Variants in TRPM3 observed in about 807,000 individuals in gnomAD.
TRPM3 encodes long transient receptor potential channel 3.
A neutral mutation model predicts 181.2 loss-of-function variants in TRPM3; 77 were observed. The observed-to-expected ratio is 0.42, with a 90% CI of 0.35 to 0.51. The LOEUF (loss-of-function observed/expected upper bound fraction) is 0.51, where lower values mean the gene tolerates loss of function less well. Among genes scored for constraint, TRPM3 ranks in the 20% least tolerant of loss-of-function variants. The probability of loss-of-function intolerance (pLI) is 0.01; values close to 1 mark genes in which losing one functional copy is unlikely to be tolerated. For synonymous variants in TRPM3, 745 were observed against 796.4 expected, an observed-to-expected ratio of 0.94 and a Z score of 1.09; for missense variants, 1,759 against 2,196.7, an observed-to-expected ratio of 0.80 and a Z score of 3.98.
chr9:71,431,516 T>C (rs1159439406), intron 1 of TRPM3, among the ~76,000 whole-genome samples: 3 of 152,192 alleles, frequency 2.0e-5, no homozygotes, highest in Non-Finnish European at 4.4e-5. Context: ...ATAGTGACCT[T>C]TAAGCCAACT....
At chr9:70,815,924 T>C (rs142333398) in intron 6 of TRPM3, among the ~76,000 whole-genome samples, 107 of 152,322 alleles carry the variant, frequency 7.0e-4, no homozygotes, top group African/African-American at 2.4e-3. Flanking sequence ...AGCCAAGAAA[T>C]TGTTTTACAA....
intron 7 of TRPM3, 105 bp from the exon 8 acceptor site, chr9:70,761,829 T>C (rs1362130027): frequency 8.2e-6 from 11 of 1,335,722 alleles, no homozygotes; most frequent in African/African-American, 2.9e-5. Flanking sequence ...TTACTTTAGA[T>C]AGGAGTTATT....
intron 6 of TRPM3, among the ~76,000 whole-genome samples, chr9:70,810,316 G>A (rs908140814): frequency 3.4e-5 from 5 of 146,568 alleles, no homozygotes; most frequent in Non-Finnish European, 6.0e-5. Flanking sequence ...CCCTCTGCTT[G>A]CCTCCAACCC....
intron 25 of TRPM3, among the ~76,000 whole-genome samples, chr9:70,543,350 CCATTTA>C (rs1225110817): frequency 6.6e-6 from 1 of 152,118 alleles, no homozygotes; most frequent in East Asian, 1.9e-4. Flanking sequence ...TACAAACAAT[CCATTTA>C]CATTCTTTAT....
intron 1 of TRPM3, among the ~76,000 whole-genome samples, chr9:71,239,703 T>C (rs1381685941): frequency 6.6e-6 from 1 of 152,146 alleles, no homozygotes. Context: ...GTAGTATTAT[T>C]CCTTAGAAAA....
intron 6 of TRPM3, among the ~76,000 whole-genome samples, chr9:70,812,680 A>G (rs12551455): frequency 0.31 from 47,621 of 152,030 alleles, 9,065 homozygotes; most frequent in African/African-American, 0.53. Context: ...ATTTAGCACA[A>G]GCACTTGTTA....
chr9:71,328,951 G>A (rs942408385), intron 1 of TRPM3, among the ~76,000 whole-genome samples: 7 of 152,186 alleles, frequency 4.6e-5, no homozygotes, highest in Admixed American at 3.3e-4. Flanking sequence ...CCTGCAAAGT[G>A]TAATAATCAA....
chr9:70,652,965 C>T (rs2059777774), intron 9 of TRPM3, among the ~76,000 whole-genome samples: 1 of 152,080 alleles, frequency 6.6e-6, no homozygotes, highest in Non-Finnish European at 1.5e-5. Context: ...TAGATGCTAC[C>T]TTGCAGGGCT....
chr9:70,957,386 A>T (rs373899841), intron 1 of TRPM3, among the ~76,000 whole-genome samples: 1 of 152,176 alleles, frequency 6.6e-6, no homozygotes, highest in Admixed American at 6.6e-5. Flanking sequence ...CTTATGAAGC[A>T]TCGACTACTT....
At chr9:70,811,511 CTGTGG>C (rs2131415330) in intron 6 of TRPM3, among the ~76,000 whole-genome samples, 1 of 152,254 alleles carries the variant, frequency 6.6e-6, no homozygotes, top group East Asian at 1.9e-4. Context: ...TAGATAGCTT[CTGTGG>C]TGTGGAAAGG....
intron 1 of TRPM3, among the ~76,000 whole-genome samples, chr9:71,379,479 A>G (rs2092743318): frequency 6.6e-6 from 1 of 152,028 alleles, no homozygotes; most frequent in African/African-American, 2.4e-5. Context: ...CTGCTATGAT[A>G]AGACACATAA....
chr9:71,269,981 T>A (rs1367887606), intron 1 of TRPM3, among the ~76,000 whole-genome samples: 1 of 152,224 alleles, frequency 6.6e-6, no homozygotes, highest in East Asian at 1.9e-4. Flanking sequence ...TCAACAGTCT[T>A]AGTCTAACTC....
chr9:71,021,835 C>T (rs1393357031), intron 1 of TRPM3, among the ~76,000 whole-genome samples: 1 of 152,056 alleles, frequency 6.6e-6, no homozygotes, highest in African/African-American at 2.4e-5. Context: ...TAGAGATGAA[C>T]TGATTTCAGT....
At chr9:71,280,881 T>C (rs555867651) in intron 1 of TRPM3, among the ~76,000 whole-genome samples, 2 of 152,342 alleles carry the variant, frequency 1.3e-5, no homozygotes, top group Admixed American at 1.3e-4. Context: ...TATATCTACA[T>C]TCATTCCCCT....
chr9:70,749,995 G>A (rs1017766243), intron 8 of TRPM3, among the ~76,000 whole-genome samples: 2 of 152,136 alleles, frequency 1.3e-5, no homozygotes, highest in Non-Finnish European at 2.9e-5. Context: ...AATCTGGGTT[G>A]TGATAACCAA....
At chr9:71,412,420 C>G (rs1033426585) in intron 1 of TRPM3, among the ~76,000 whole-genome samples, 1 of 152,206 alleles carries the variant, frequency 6.6e-6, no homozygotes, top group Admixed American at 6.5e-5. Flanking sequence ...ATCAAACAAC[C>G]TCATCAAGAA....
At chr9:71,400,548 GGAA>G (rs2093318563) in intron 1 of TRPM3, among the ~76,000 whole-genome samples, 1 of 151,954 alleles carries the variant, frequency 6.6e-6, no homozygotes, top group South Asian at 2.1e-4. Context: ...TTCTAATTGA[GGAA>G]GAAGTAGAAT....
chr9:71,240,372 A>G (rs1195751477), intron 1 of TRPM3, among the ~76,000 whole-genome samples: 1 of 152,212 alleles, frequency 6.6e-6, no homozygotes, highest in Non-Finnish European at 1.5e-5. Context: ...TGCTGTGTTC[A>G]TCTTTTTATC....
In TRPM3 at chr9:70,668,672, G is replaced by GAAAAAAAAAA. The variant is rs57929544; in HGVS notation, c.1345+12824_1345+12833dup. ...AGAGCGAGACTCCGTCTCAAAAAAA[G>GAAAAAAAAAA]AAAAAAAAAAAAAAAAAAAAAAAAA... is the stretch of plus-strand genomic sequence containing the variant. On this transcript the variant is annotated intron_variant, in intron 9 of 25. Coordinates refer to ENST00000677713, the MANE Select transcript of TRPM3 (RefSeq NM_001366145.2). Among the ~76,000 whole-genome samples, 79 of 86,474 alleles carry GAAAAAAAAAA rather than the reference G, an allele frequency of 9.1e-4. 1 individual carries two copies. Among genetic ancestry groups the GAAAAAAAAAA allele is most frequent in the Non-Finnish European group, 9.7e-4 (46 of 47,344 alleles). 56.7% of individuals were successfully genotyped at this position (86,474 alleles called of 152,430 possible).
Sources: gnomAD v4.1 joint callset for allele counts (sites outside exome capture counted in the v4.1 genomes callset) on GRCh38, gnomAD v4.1.1 for gene constraint, MANE v1.5 for transcripts, NCBI Gene and HGNC (gene_info 2026-07-23, HGNC 2026-07-21) for gene names.